PDGFRL: variants seen among roughly 807,000 people sequenced by gnomAD.
PDGFRL encodes platelet-derived growth factor receptor-like protein.
Under a neutral mutation model 37.2 loss-of-function variants are expected in PDGFRL, and 46 were observed. The observed-to-expected ratio is 1.24, with a 90% CI of 0.98 to 1.58. The LOEUF (loss-of-function observed/expected upper bound fraction) is 1.58, where lower values mean the gene tolerates loss of function less well. Ranked by LOEUF, PDGFRL falls within the 40% of genes most tolerant of loss-of-function variation. PDGFRL has a pLI of 0.00. For synonymous variants in PDGFRL, 251 were observed against 184.3 expected (o/e 1.36, Z -2.93); for missense variants, 692 against 467.6 (o/e 1.48, Z -4.43).
intron 5 of PDGFRL, among the ~76,000 whole-genome samples, chr8:17,637,387 C>A (rs1040390717): frequency 9.2e-5 from 14 of 151,980 alleles, no homozygotes; most frequent in African/African-American, 3.4e-4. Flanking sequence ...CCATTAATGT[C>A]TTGTGTATGT....
chr8:17,611,880 T>C (rs535874183), intron 2 of PDGFRL, among the ~76,000 whole-genome samples: 2 of 152,052 alleles, frequency 1.3e-5, no homozygotes, highest in African/African-American at 4.8e-5. Context: ...TCAATGGTGA[T>C]AGCAGCCTGG....
intron 1 of PDGFRL, among the ~76,000 whole-genome samples, chr8:17,586,104 G>A (rs3862076): frequency 0.12 from 18,256 of 151,970 alleles, 1,125 homozygotes; most frequent in Middle Eastern, 0.14. Context: ...GGCGTGTGCC[G>A]CCATGCCTGG....
At chr8:17,627,017 G>A (rs10096504) in intron 3 of PDGFRL, among the ~76,000 whole-genome samples, 22,251 of 152,114 alleles carry the variant, frequency 0.15, 2,499 homozygotes, top group African/African-American at 0.32. Context: ...ATTCCCCTCC[G>A]CTAACCTTGG....
intron 2 of PDGFRL, among the ~76,000 whole-genome samples, chr8:17,605,548 A>C (rs1034567269): frequency 6.6e-6 from 1 of 152,168 alleles, no homozygotes; most frequent in Admixed American, 6.5e-5. Context: ...AATTCTTGGC[A>C]CCGCGCTGAG....
rs775644881 is a variant in PDGFRL, at chr8:17,642,711, CTT to C, written c.1040_1041del (p.Phe347Ter). The C allele has an allele frequency of 1.9e-6, 3 of 1,605,220 alleles. No individual in the cohort carries two copies. The highest frequency in any genetic ancestry group is 2.2e-5 in the South Asian group (2 of 90,894). Reference sequence around the variant, plus strand: ...CCCAGAGTGTCATTACAGTGGAAGACTTTGAGACGATTGATGCAGGATATTAC... The same window carrying C: ...CCCAGAGTGTCATTACAGTGGAAGACTGAGACGATTGATGCAGGATATTAC... ...ISQSVITVED[F>X]ETIDAGYYIC... On this transcript the variant is annotated frameshift_variant, in exon 6 of 6. Transcript: ENST00000251630. LOFTEE classifies it high-confidence loss of function.
In PDGFRL at chr8:17,577,832, C is replaced by T. The variant is rs140993366; in HGVS notation, c.55+525C>T. 9.1e-3 allele frequency among the ~76,000 whole-genome samples: 1,381 copies of T among 151,670 alleles called. 24 individuals are homozygous for T. Among genetic ancestry groups the T allele is most frequent in the African/African-American group, 0.031 (1,301 of 41,320 alleles). ...TTTGCTTGAATCCTGCAAGATCTGC[C>T]TAGATCTTCGAACAAAAATGTCAGT... is the stretch of plus-strand genomic sequence containing the variant. On this transcript the variant is annotated intron_variant, in intron 1 of 5. Coordinates refer to ENST00000251630, the MANE Select transcript of PDGFRL (RefSeq NM_001372073.1).
At chr8:17,579,174 C>T (rs13273725) in intron 1 of PDGFRL, among the ~76,000 whole-genome samples, 40,785 of 151,934 alleles carry the variant, frequency 0.27, 5,695 homozygotes, top group Middle Eastern at 0.39. Context: ...TCCAGCTGGG[C>T]GACAAAGTGA....
intron 1 of PDGFRL, among the ~76,000 whole-genome samples, chr8:17,582,957 C>A (rs551219213): frequency 6.6e-6 from 1 of 152,138 alleles, no homozygotes; most frequent in Non-Finnish European, 1.5e-5. Context: ...TGCACCAGCT[C>A]TAGCCTTCAC....
intron 4 of PDGFRL, among the ~76,000 whole-genome samples, chr8:17,631,087 C>T (rs1375975655): frequency 6.6e-6 from 1 of 152,086 alleles, no homozygotes; most frequent in East Asian, 1.9e-4. Context: ...CTCTTTTGCC[C>T]CGGGCTGATG....
At chr8:17,628,421 T>C (rs1804780969) in intron 3 of PDGFRL, 66 bp from the exon 4 acceptor site, 10 of 1,309,652 alleles carry the variant, frequency 7.6e-6, no homozygotes, top group Non-Finnish European at 1.1e-5. Context: ...GCTGCCAAAA[T>C]CCTTAAGGGT....
intron 1 of PDGFRL, among the ~76,000 whole-genome samples, chr8:17,581,285 T>C (rs538149227): frequency 6.6e-6 from 1 of 152,048 alleles, no homozygotes; most frequent in Non-Finnish European, 1.5e-5. Flanking sequence ...ACAAAGGCAA[T>C]AGCTTCAAGA....
intron 2 of PDGFRL, among the ~76,000 whole-genome samples, chr8:17,599,254 T>C (rs75201086): frequency 0.017 from 2,608 of 152,292 alleles, 48 homozygotes; most frequent in Admixed American, 0.053. Context: ...CAGTATACAC[T>C]GCACCATATT....
chr8:17,606,894 G>GTTTTT (rs1198809504), intron 2 of PDGFRL, among the ~76,000 whole-genome samples: 1 of 123,690 alleles, frequency 8.1e-6, no homozygotes, highest in African/African-American at 3.1e-5. Context: ...TTGTTTTTTT[G>GTTTTT]TTTTTTTTTT....
At chr8:17,595,004 CAT>C (rs1804021714) in intron 2 of PDGFRL, among the ~76,000 whole-genome samples, 2 of 34,290 alleles carry the variant, frequency 5.8e-5, no homozygotes, top group South Asian at 4.3e-3. Context: ...TTACCACGTA[CAT>C]TTTTTTTTTT....
intron 1 of PDGFRL, among the ~76,000 whole-genome samples, chr8:17,585,646 T>A (rs1012915018): frequency 2.0e-5 from 3 of 152,128 alleles, no homozygotes; most frequent in Non-Finnish European, 4.4e-5. Flanking sequence ...GAGCTACTTT[T>A]AGGGATGGCC....
chr8:17,588,319 A>T (rs546891260), intron 1 of PDGFRL, among the ~76,000 whole-genome samples: 1 of 152,294 alleles, frequency 6.6e-6, no homozygotes, highest in East Asian at 1.9e-4. Flanking sequence ...CTACCTAGAC[A>T]TCGCCAGCCC....
intron 5 of PDGFRL, among the ~76,000 whole-genome samples, chr8:17,640,105 G>C (rs1467770010): frequency 6.6e-6 from 1 of 152,178 alleles, no homozygotes; most frequent in Non-Finnish European, 1.5e-5. Flanking sequence ...ATTTCTCTAA[G>C]TGTGTTCTTC....
At chr8:17,633,380 A>T (rs1317505304) in intron 4 of PDGFRL, among the ~76,000 whole-genome samples, 1 of 152,096 alleles carries the variant, frequency 6.6e-6, no homozygotes, top group Non-Finnish European at 1.5e-5. Context: ...GAGAGTTAAG[A>T]TTGCACCACT....
At chr8:17,601,541 G>T (rs904250875) in intron 2 of PDGFRL, among the ~76,000 whole-genome samples, 11 of 152,066 alleles carry the variant, frequency 7.2e-5, no homozygotes, top group African/African-American at 2.7e-4. Flanking sequence ...TGTCACGAGG[G>T]TTTGGTGTAG....
Sources: gnomAD v4.1 joint callset for allele counts (sites outside exome capture counted in the v4.1 genomes callset) on GRCh38, gnomAD v4.1.1 for gene constraint, MANE v1.5 for transcripts, NCBI Gene and HGNC (gene_info 2026-07-23, HGNC 2026-07-21) for gene names.